The following DIAPH3 variants were observed in gnomAD, a reference collection of about 807,000 sequenced individuals.
The protein encoded by DIAPH3 is diaphanous related formin 3.
In DIAPH3, 117 loss-of-function variants were observed where a neutral mutation model predicts 144.3. The ratio of observed to expected loss-of-function variants is 0.81; its 90% confidence interval spans 0.70 to 0.95. The LOEUF (loss-of-function observed/expected upper bound fraction) is 0.95, where lower values mean the gene tolerates loss of function less well. Ranked by LOEUF, DIAPH3 falls within the 40% of genes least tolerant of loss-of-function variation. The pLI is 0.00. For synonymous variants in DIAPH3, 519 were observed against 488.9 expected (o/e 1.06, Z -0.81); for missense variants, 1,421 against 1,412.7 (o/e 1.01, Z -0.09).
chr13:59,867,258 T>C (rs1250868175), intron 21 of DIAPH3, among the ~76,000 whole-genome samples: 3 of 151,232 alleles, frequency 2.0e-5, no homozygotes, highest in African/African-American at 2.4e-5. Context: ...ATCTCTCCAC[T>C]GCGCTCCGGC....
At chr13:59,936,230 G>A (rs1036388576) in intron 17 of DIAPH3, among the ~76,000 whole-genome samples, 1 of 152,076 alleles carries the variant, frequency 6.6e-6, no homozygotes, top group Non-Finnish European at 1.5e-5. Context: ...GCTACCTAAA[G>A]AATGCTTCCC....
chr13:59,974,217 C>A, intron 15 of DIAPH3, 135 bp downstream of exon 15: 1 of 716,004 alleles, frequency 1.4e-6, no homozygotes, highest in Non-Finnish European at 2.4e-6. Flanking sequence ...AATAGCAAAA[C>A]ACAGTACAAA....
At chr13:60,084,487 AG>A (rs2057685121) in intron 4 of DIAPH3, among the ~76,000 whole-genome samples, 1 of 152,138 alleles carries the variant, frequency 6.6e-6, no homozygotes, top group South Asian at 2.1e-4. Context: ...AATAAAAAAA[AG>A]AACTACTACT....
At chr13:59,756,374 T>G (rs1300574798) in intron 27 of DIAPH3, among the ~76,000 whole-genome samples, 1 of 150,302 alleles carries the variant, frequency 6.7e-6, no homozygotes, top group Non-Finnish European at 1.5e-5. Flanking sequence ...TTGAAATACC[T>G]TTTCTTAAAT....
chr13:60,029,505 G>A (rs1356733988), intron 5 of DIAPH3, among the ~76,000 whole-genome samples: 1 of 152,154 alleles, frequency 6.6e-6, no homozygotes, highest in African/African-American at 2.4e-5. Context: ...CATGGGTGTG[G>A]TTTCCCCTAT....
intron 25 of DIAPH3, among the ~76,000 whole-genome samples, chr13:59,802,664 ATTATTTTTTT>A (rs1327703753): frequency 3.1e-5 from 1 of 32,536 alleles, no homozygotes; most frequent in East Asian, 9.7e-4. Context: ...TATTATTATT[ATTATTTTTTT>A]TTTTTTTTTT....
rs576994703 is a variant in DIAPH3, at chr13:60,024,079, T to C, written c.627-7934A>G. ...CATGTTGGCCAGGCTGGTCTCAAAC[T>C]CCTGACTTCAGGTGGTCCAGCCGCC... On this transcript the variant is annotated intron_variant, in intron 5 of 27. Coordinates refer to ENST00000400324, the MANE Select transcript of DIAPH3 (RefSeq NM_001042517.2). Among the ~76,000 whole-genome samples the C allele has an allele frequency of 6.7e-4, 102 of 151,728 alleles. 1 individual carries two copies. Among genetic ancestry groups the C allele is most frequent in the Middle Eastern group, 6.8e-3 (2 of 292 alleles).
intron 22 of DIAPH3, among the ~76,000 whole-genome samples, chr13:59,846,716 A>G (rs899597848): frequency 3.9e-5 from 6 of 152,128 alleles, no homozygotes; most frequent in African/African-American, 1.4e-4. Context: ...AACTAAAACA[A>G]TACTGAAAAA....
At position 59,721,067 on chromosome 13, in the gene DIAPH3, A is replaced by G. The variant is rs145370243; in HGVS notation, c.3319+53122T>C. Among the ~76,000 whole-genome samples, 415 of 152,332 alleles carry G rather than the reference A, an allele frequency of 2.7e-3. 3 individuals are homozygous for G. Among genetic ancestry groups the G allele is most frequent in the African/African-American group, 9.5e-3 (395 of 41,578 alleles). On this transcript the variant is annotated intron_variant, in intron 27 of 27. Coordinates refer to ENST00000400324, the MANE Select transcript of DIAPH3 (RefSeq NM_001042517.2). ...TAAATGCACACTTGGCTAAATTTTC[A>G]TACTGTAAAATTCCACAAATAACTT...
intron 25 of DIAPH3, among the ~76,000 whole-genome samples, chr13:59,775,863 T>G (rs569495707): frequency 2.2e-4 from 33 of 152,306 alleles, no homozygotes; most frequent in Non-Finnish European, 4.4e-4. Context: ...ATAGAGCCAA[T>G]TATCTCTACA....
chr13:60,100,914 C>G (rs985918686), intron 3 of DIAPH3, among the ~76,000 whole-genome samples: 12 of 152,080 alleles, frequency 7.9e-5, no homozygotes, highest in Admixed American at 3.3e-4. Flanking sequence ...ATCCAAGGGT[C>G]CTGAGAGGAA....
intron 4 of DIAPH3, among the ~76,000 whole-genome samples, chr13:60,071,754 T>A (rs1019165091): frequency 6.6e-6 from 1 of 152,220 alleles, no homozygotes; most frequent in African/African-American, 2.4e-5. Context: ...CTTCTATCTA[T>A]ACTTGATCCC....
chr13:59,893,723 C>A (rs886354862), intron 20 of DIAPH3, among the ~76,000 whole-genome samples: 1 of 151,998 alleles, frequency 6.6e-6, no homozygotes, highest in Non-Finnish European at 1.5e-5. Context: ...AAATAATGAA[C>A]AAGAGAACCT....
At chr13:59,947,366 T>C (rs2048851819) in intron 17 of DIAPH3, among the ~76,000 whole-genome samples, 1 of 152,228 alleles carries the variant, frequency 6.6e-6, no homozygotes, top group Non-Finnish European at 1.5e-5. Context: ...TAACTCTGCA[T>C]GGTCCACCGC....
chr13:59,776,949 C>CAAACA (rs1555294835), intron 25 of DIAPH3, among the ~76,000 whole-genome samples: 17 of 146,812 alleles, frequency 1.2e-4, no homozygotes, highest in African/African-American at 4.3e-4. Context: ...AACAAACAAA[C>CAAACA]AAAAAAACCC....
intron 4 of DIAPH3, among the ~76,000 whole-genome samples, chr13:60,072,149 C>G (rs1361621440): frequency 1.3e-5 from 2 of 152,222 alleles, no homozygotes; most frequent in East Asian, 3.9e-4. Flanking sequence ...TCATAATCTA[C>G]AAGTCTCTTC....
At chr13:59,802,758 T>A (rs1293648932) in intron 25 of DIAPH3, among the ~76,000 whole-genome samples, 1 of 132,132 alleles carries the variant, frequency 7.6e-6, no homozygotes, top group East Asian at 2.4e-4. Flanking sequence ...CTCGGCTCAC[T>A]GCAAGCTCCG....
intron 17 of DIAPH3, among the ~76,000 whole-genome samples, chr13:59,952,471 G>T (rs1345802616): frequency 6.6e-6 from 1 of 152,094 alleles, no homozygotes; most frequent in Non-Finnish European, 1.5e-5. Context: ...GCTATTAATT[G>T]CTCCTGGTTT....
chr13:59,982,443 T>C (rs1737086765), intron 13 of DIAPH3, among the ~76,000 whole-genome samples: 1 of 151,448 alleles, frequency 6.6e-6, no homozygotes, highest in African/African-American at 2.4e-5. Flanking sequence ...AACTTCTAAT[T>C]GCTTATCTCT....
Sources: gnomAD v4.1 joint callset for allele counts (sites outside exome capture counted in the v4.1 genomes callset) on GRCh38, gnomAD v4.1.1 for gene constraint, MANE v1.5 for transcripts, NCBI Gene and HGNC (gene_info 2026-07-23, HGNC 2026-07-21) for gene names.